SCG5: variants seen among roughly 807,000 people sequenced by gnomAD.
SCG5 encodes secretogranin V.
A neutral mutation model predicts 25.7 loss-of-function variants in SCG5; 18 were observed. The ratio of observed to expected loss-of-function variants is 0.70; its 90% CI spans 0.48 to 1.04. SCG5 has a LOEUF of 1.04. SCG5 is among the 50% of genes least tolerant of loss of function. The probability of loss-of-function intolerance (pLI) is 0.00; values close to 1 mark genes in which losing one functional copy is unlikely to be tolerated. For synonymous variants in SCG5, 101 were observed against 91.7 expected, an observed-to-expected ratio of 1.10 and a Z score of -0.58; for missense variants, 206 against 259.8, an observed-to-expected ratio of 0.79 and a Z score of 1.42.
chr15:32,676,500 C>G (rs1014691959), intron 2 of SCG5, among the ~76,000 whole-genome samples: 1 of 152,110 alleles, frequency 6.6e-6, no homozygotes, highest in Non-Finnish European at 1.5e-5. Context: ...GAGAGCCTGC[C>G]CTATAGCAAG....
At chr15:32,655,451 C>A (rs1373524534) in intron 2 of SCG5, among the ~76,000 whole-genome samples, 2 of 152,194 alleles carry the variant, frequency 1.3e-5, no homozygotes, top group Non-Finnish European at 2.9e-5. Flanking sequence ...ACCACCATGC[C>A]CTTCAGCTAT....
At chr15:32,654,905 C>T (rs560279390) in intron 2 of SCG5, among the ~76,000 whole-genome samples, 91 of 152,262 alleles carry the variant, frequency 6.0e-4, no homozygotes, top group African/African-American at 2.0e-3. Flanking sequence ...ATCCAGCCTT[C>T]GCAACATGTA....
At chr15:32,689,501 G>A (rs1326108715) in intron 4 of SCG5, among the ~76,000 whole-genome samples, 1 of 152,114 alleles carries the variant, frequency 6.6e-6, no homozygotes, top group Non-Finnish European at 1.5e-5. Flanking sequence ...ACCAGGATCT[G>A]GACAGTTGTC....
At chr15:32,677,673 TTGGTC>T (rs1449556792) in intron 2 of SCG5, 2 of 152,196 alleles carry the variant, frequency 1.3e-5, no homozygotes, top group East Asian at 3.9e-4. Flanking sequence ...CTTTCCTGTA[TTGGTC>T]TGCGTACACC....
intron 1 of SCG5, among the ~76,000 whole-genome samples, 166 bp downstream of exon 1, chr15:32,641,944 A>G (rs1000952468): frequency 6.1e-4 from 93 of 152,104 alleles, no homozygotes; most frequent in Non-Finnish European, 9.7e-4. Context: ...GGAAGGGAGT[A>G]CTGAGGGAGG....
chr15:32,670,495 G>T (rs2054401374), intron 2 of SCG5, among the ~76,000 whole-genome samples: 4 of 152,258 alleles, frequency 2.6e-5, no homozygotes, highest in Admixed American at 2.0e-4. Context: ...TGAGTTTAGA[G>T]AATGTGGATA....
At chr15:32,677,549 T>G (rs1482389737) in intron 2 of SCG5, 1 of 152,234 alleles carries the variant, frequency 6.6e-6, no homozygotes, top group Non-Finnish European at 1.5e-5. Context: ...TAGACTTAAC[T>G]AATCCAGCCT....
Position 32,684,611 on chromosome 15 carries a change from T to C in SCG5, c.431T>C (p.Phe144Ser). 6.2e-7 allele frequency: 1 copy of C among 1,613,884 alleles called. No homozygotes were observed. The highest frequency in any genetic ancestry group is 8.5e-7 in the Non-Finnish European group (1 of 1,179,840). ...GACACTGCAGAGTTCAGTCGAGAGT[T>C]CCAGTTGCACCAGCATCTCTTTGAT... is the stretch of plus-strand genomic sequence containing the variant. ...TPDTAEFSRE[F>S]QLHQHLFDPE... Residue 144 changes from phenylalanine (F) to serine (S), a missense_variant, in exon 4 of 6, where the codon TTC (phenylalanine) becomes TCC (serine). By Grantham distance (155) the Phe-to-Ser change is radical (BLOSUM62 -2). Transcript: ENST00000300175.
intron 3 of SCG5, among the ~76,000 whole-genome samples, chr15:32,681,061 G>C (rs1331075597): frequency 1.3e-5 from 2 of 152,192 alleles, no homozygotes; most frequent in African/African-American, 4.8e-5. Context: ...CTAGCACAGA[G>C]TAAGGACTCT....
intron 2 of SCG5, among the ~76,000 whole-genome samples, chr15:32,656,968 G>T (rs1452741893): frequency 6.6e-6 from 1 of 151,384 alleles, no homozygotes; most frequent in Non-Finnish European, 1.5e-5. Flanking sequence ...AGGATGCCCA[G>T]GGGTTCTAGT....
At chr15:32,687,182 G>T (rs998120285) in intron 4 of SCG5, among the ~76,000 whole-genome samples, 7 of 152,154 alleles carry the variant, frequency 4.6e-5, no homozygotes, top group African/African-American at 1.7e-4. Flanking sequence ...ATCTCTTCTT[G>T]AAAATCTTCA....
Position 32,684,662 on chromosome 15 carries a change from G to T in SCG5, c.482G>T (p.Gly161Val), listed in dbSNP as rs200135028. 3.9e-5 allele frequency: 63 copies of T among 1,609,994 alleles called. No individual in the cohort carries two copies. Among genetic ancestry groups the T allele is most frequent in the Middle Eastern group, 1.6e-4 (1 of 6,076 alleles). The change falls in exon 4 of 6, where the codon GGC (glycine) becomes GTC (valine). Residue 161 changes from glycine (G) to valine (V), a missense_variant. Coordinates refer to ENST00000300175, the MANE Select transcript of SCG5 (RefSeq NM_001144757.3). ...CCGGAACATGACTATCCAGGCTTGG[G>T]CAAGTGGGTAAGTCCTATCTCAATT... ...FDPEHDYPGLGKWNKKLLYEK... is the reference protein window; with the variant it reads ...FDPEHDYPGLVKWNKKLLYEK...
At chr15:32,662,034 T>C (rs1211843993) in intron 2 of SCG5, among the ~76,000 whole-genome samples, 1 of 152,222 alleles carries the variant, frequency 6.6e-6, no homozygotes, top group Non-Finnish European at 1.5e-5. Flanking sequence ...ATCAGTGTAA[T>C]TATTTTTAGT....
intron 2 of SCG5, among the ~76,000 whole-genome samples, chr15:32,674,660 T>C (rs1243825704): frequency 6.6e-6 from 1 of 152,178 alleles, no homozygotes; most frequent in Non-Finnish European, 1.5e-5. Context: ...GTTGGGGGCT[T>C]TGTTAACACC....
intron 2 of SCG5, among the ~76,000 whole-genome samples, chr15:32,675,917 G>A (rs952523442): frequency 4.6e-5 from 7 of 152,130 alleles, no homozygotes; most frequent in African/African-American, 1.4e-4. Context: ...TTTGTTGTTG[G>A]TTAGTGCAGT....
chr15:32,649,613 G>T (rs1448144209), intron 2 of SCG5, among the ~76,000 whole-genome samples: 1 of 152,086 alleles, frequency 6.6e-6, no homozygotes, highest in African/African-American at 2.4e-5. Flanking sequence ...GCTTTAAGTG[G>T]TCGCTGGGGT....
At chr15:32,681,228 T>G (rs2054614804) in intron 3 of SCG5, among the ~76,000 whole-genome samples, 1 of 152,196 alleles carries the variant, frequency 6.6e-6, no homozygotes, top group Non-Finnish European at 1.5e-5. Flanking sequence ...CAAAAGTAAT[T>G]GCACTTTTTA....
intron 1 of SCG5, among the ~76,000 whole-genome samples, chr15:32,642,959 C>T (rs911066336): frequency 2.0e-5 from 3 of 152,198 alleles, no homozygotes; most frequent in Non-Finnish European, 4.4e-5. Flanking sequence ...GAGGGACTTG[C>T]CTACGATCAC....
intron 2 of SCG5, among the ~76,000 whole-genome samples, chr15:32,672,035 T>C (rs2054435028): frequency 6.6e-6 from 1 of 152,256 alleles, no homozygotes; most frequent in African/African-American, 2.4e-5. Context: ...ATCCGACTGC[T>C]TCAGGCTCCC....
Sources: gnomAD v4.1 joint callset for allele counts (sites outside exome capture counted in the v4.1 genomes callset) on GRCh38, gnomAD v4.1.1 for gene constraint, MANE v1.5 for transcripts, NCBI Gene and HGNC (gene_info 2026-07-23, HGNC 2026-07-21) for gene names.